NTRK3: variants seen among roughly 807,000 people sequenced by gnomAD.
NTRK3 encodes the protein neurotrophic receptor tyrosine kinase 3, also known as NT-3 growth factor receptor.
Under a neutral mutation model 91.7 loss-of-function variants are expected in NTRK3, and 24 were observed. The observed-to-expected ratio is 0.26, with a 90% confidence interval of 0.19 to 0.37. NTRK3 has a LOEUF of 0.37. Ranked by LOEUF, NTRK3 falls within the 10% of genes least tolerant of loss-of-function variation. The probability of loss-of-function intolerance (pLI) is 1.00; values close to 1 mark genes in which losing one functional copy is unlikely to be tolerated. For synonymous variants in NTRK3, 483 were observed against 404.0 expected (o/e 1.20, Z -2.34); for missense variants, 880 against 1,068.9 (o/e 0.82, Z 2.46).
chr15:87,940,490 G>A (rs913176964), intron 15 of NTRK3, 133 bp downstream of exon 15: 76 of 1,432,572 alleles, frequency 5.3e-5, no homozygotes, highest in South Asian at 1.5e-4. Flanking sequence ...CATTGACCTC[G>A]GAGCAAAGTC....
At chr15:88,250,909 A>G (rs2053283356) in intron 3 of NTRK3, among the ~76,000 whole-genome samples, 2 of 152,262 alleles carry the variant, frequency 1.3e-5, no homozygotes, top group African/African-American at 4.8e-5. Flanking sequence ...ATAATTTGCA[A>G]TAGAAGTTCC....
Position 88,024,773 on chromosome 15 carries a change from T to C in NTRK3, c.1585+8084A>G, listed in dbSNP as rs147186364. On this transcript the variant is annotated intron_variant, in intron 14 of 18. Transcript: ENST00000394480. Reference sequence around the variant, plus strand: ...TCTGGGAAAGTGAAAAGAATTAGGATGCCTGGAAAGGTGGGGTTCAGGGCT... The same window carrying C: ...TCTGGGAAAGTGAAAAGAATTAGGACGCCTGGAAAGGTGGGGTTCAGGGCT... Among the ~76,000 whole-genome samples the C allele has an allele frequency of 3.1e-3, 474 of 151,074 alleles. 2 individuals are homozygous for C. Among genetic ancestry groups the C allele is most frequent in the African/African-American group, 0.01 (431 of 41,052 alleles).
chr15:88,222,166 C>G (rs1447676458), intron 3 of NTRK3, among the ~76,000 whole-genome samples: 2 of 152,240 alleles, frequency 1.3e-5, no homozygotes, highest in African/African-American at 4.8e-5. Context: ...CTCAGAGATT[C>G]TCTGTGACAC....
intron 17 of NTRK3, among the ~76,000 whole-genome samples, chr15:87,921,783 A>T (rs1320104966): frequency 6.6e-6 from 1 of 152,098 alleles, no homozygotes; most frequent in East Asian, 1.9e-4. Context: ...TGAGCAGCAA[A>T]ACTTCTGCCT....
rs553022286 is a variant in NTRK3 at position 87,864,553 on chromosome 15, G to T, written c.*12382C>A. The T allele has an allele frequency of 4.8e-5, 11 of 229,074 alleles. No homozygotes were observed. In the South Asian group the frequency reaches 1.3e-3, roughly 27 times the overall value. 14.2% of individuals were successfully genotyped at this position (229,074 alleles called of 1,614,324 possible). On this transcript the variant is annotated 3_prime_UTR_variant, in exon 19 of 19. Coordinates refer to ENST00000394480, the Ensembl canonical transcript of NTRK3. Reference sequence around the variant, plus strand: ...AGTGAAATGAGCTTGTTCAAGGAAGGCTTTAACAGTACTGTGAAGGAGGTC... The same window carrying T: ...AGTGAAATGAGCTTGTTCAAGGAAGTCTTTAACAGTACTGTGAAGGAGGTC...
At chr15:88,100,757 A>C (rs538551847) in intron 13 of NTRK3, among the ~76,000 whole-genome samples, 44 of 152,312 alleles carry the variant, frequency 2.9e-4, no homozygotes, top group South Asian at 6.2e-4. Flanking sequence ...CAAAAACAAG[A>C]AATGGGGAAA....
At chr15:87,879,185 G>A (rs2065106113) in intron 18 of NTRK3, among the ~76,000 whole-genome samples, 1 of 152,112 alleles carries the variant, frequency 6.6e-6, no homozygotes, top group Non-Finnish European at 1.5e-5. Context: ...CAAGACATAG[G>A]AGAGCAGAGA....
At chr15:88,120,465 G>A (rs2052581288) in intron 13 of NTRK3, among the ~76,000 whole-genome samples, 1 of 152,266 alleles carries the variant, frequency 6.6e-6, no homozygotes, top group Non-Finnish European at 1.5e-5. Context: ...AGAAAGGCAA[G>A]TGGTTGCTGA....
intron 3 of NTRK3, among the ~76,000 whole-genome samples, chr15:88,247,328 C>T (rs1273857125): frequency 2.0e-5 from 3 of 152,232 alleles, no homozygotes. Flanking sequence ...AGGCAGGGCC[C>T]TTCGTTCTGG....
chr15:88,044,291 T>A (rs2079942940), intron 13 of NTRK3, among the ~76,000 whole-genome samples: 1 of 143,180 alleles, frequency 7.0e-6, no homozygotes, highest in African/African-American at 2.6e-5. Context: ...GATGGAGTCT[T>A]GCTCTGTTGC....
intron 14 of NTRK3, among the ~76,000 whole-genome samples, chr15:88,015,864 T>A (rs1018826188): frequency 6.6e-6 from 1 of 152,118 alleles, no homozygotes; most frequent in African/African-American, 2.4e-5. Context: ...CTTGATTGAC[T>A]GATCGCCAGC....
intron 13 of NTRK3, among the ~76,000 whole-genome samples, chr15:88,090,382 G>T (rs888950428): frequency 6.6e-6 from 1 of 150,520 alleles, no homozygotes; most frequent in Non-Finnish European, 1.5e-5. Context: ...GCTGAAGAAA[G>T]GAAGGAAGGA....
At chr15:87,880,562 T>C (rs1313657412) in intron 17 of NTRK3, 134 bp from the exon 19 acceptor site, 14 of 1,054,950 alleles carry the variant, frequency 1.3e-5, no homozygotes, top group Non-Finnish European at 1.4e-6. Context: ...ATGCAACTTC[T>C]ATCAGAGGTG....
At chr15:88,211,698 C>T (rs4887382) in intron 3 of NTRK3, among the ~76,000 whole-genome samples, 118,185 of 152,186 alleles carry the variant, frequency 0.78, 47,941 homozygotes, top group East Asian at 0.96. Flanking sequence ...CACAGGTTTC[C>T]TGGCAGCTAA....
intron 14 of NTRK3, among the ~76,000 whole-genome samples, chr15:87,976,475 C>T (rs1461644075): frequency 2.0e-5 from 3 of 152,114 alleles, no homozygotes; most frequent in East Asian, 1.9e-4. Flanking sequence ...TTACTGGGGC[C>T]CAGTGAAGCA....
In NTRK3 at chr15:88,149,101, G is replaced by C. The variant is rs111423967; in HGVS notation, c.396-1698C>G. Among the ~76,000 whole-genome samples, 963 of 152,300 alleles carry C rather than the reference G, an allele frequency of 6.3e-3. 4 individuals carry two copies. Among genetic ancestry groups the C allele is most frequent in the Middle Eastern group, 0.014 (4 of 294 alleles). On this transcript the variant is annotated intron_variant, in intron 5 of 18. Transcript: ENST00000394480. ...CCTGGGTCTAGAGCTCATGGGAGAG[G>C]TTGGGGCTGGGTAAGATCACATAGG...
chr15:88,248,458 A>G (rs879493871), intron 3 of NTRK3, among the ~76,000 whole-genome samples: 2 of 152,092 alleles, frequency 1.3e-5, no homozygotes, highest in Non-Finnish European at 2.9e-5. Context: ...AAACTAAATG[A>G]TTCTCCTAGA....
At position 88,256,569 on chromosome 15, in the gene NTRK3, C is replaced by T. The variant is rs938729992; in HGVS notation, c.-219+75G>A. On this transcript the variant is annotated intron_variant, in intron 1 of 18. Transcript: ENST00000394480. Reference sequence around the variant, plus strand: ...ATGGTGCTAAAGTCACCAAGTCCCACCTACTGGGCAGAATTAAAACGGACA... The same window carrying T: ...ATGGTGCTAAAGTCACCAAGTCCCATCTACTGGGCAGAATTAAAACGGACA... The T allele has an allele frequency of 8.5e-5, 42 of 496,280 alleles. No homozygotes were observed. In the East Asian group the frequency reaches 1.4e-3, roughly 16 times the overall value. 30.7% of individuals were successfully genotyped at this position (496,280 alleles called of 1,614,324 possible).
At chr15:88,182,862 C>A (rs1349906435) in intron 5 of NTRK3, among the ~76,000 whole-genome samples, 2 of 152,122 alleles carry the variant, frequency 1.3e-5, no homozygotes. Flanking sequence ...GACAGGAACC[C>A]CCACCCATAA....
Sources: allele counts gnomAD v4.1 joint callset (sites outside exome capture counted in the v4.1 genomes callset), GRCh38; gene constraint gnomAD v4.1.1; transcripts MANE v1.5; gene names NCBI Gene and HGNC (gene_info 2026-07-23, HGNC 2026-07-21).